SPON1: variants seen among roughly 807,000 people sequenced by gnomAD.
The protein encoded by SPON1 is spondin 1, also known as spondin-1.
A neutral mutation model predicts 111.7 loss-of-function variants in SPON1; 52 were observed. The observed-to-expected ratio is 0.47, with a 90% CI of 0.37 to 0.59. The LOEUF is 0.59. SPON1 is among the 20% of genes least tolerant of loss of function. SPON1 has a pLI of 0.00. For missense variants in SPON1, 957 were observed against 1,068.5 expected, an observed-to-expected ratio of 0.90 and a Z score of 1.46; for synonymous variants, 410 against 395.8, an observed-to-expected ratio of 1.04 and a Z score of -0.43.
chr11:14,222,766 A>G (rs7115269), intron 6 of SPON1, among the ~76,000 whole-genome samples: 2 of 152,188 alleles, frequency 1.3e-5, no homozygotes, highest in Non-Finnish European at 2.9e-5. Flanking sequence ...GAAAGAAAAA[A>G]AATTAAGCCC....
intron 1 of SPON1, among the ~76,000 whole-genome samples, chr11:13,976,870 G>A (rs79741030): frequency 0.011 from 1,602 of 152,184 alleles, 30 homozygotes; most frequent in African/African-American, 0.037. Flanking sequence ...TCCTGTACAT[G>A]TTACTACTGT....
At chr11:14,155,342 G>A (rs976970637) in intron 6 of SPON1, among the ~76,000 whole-genome samples, 3 of 152,036 alleles carry the variant, frequency 2.0e-5, no homozygotes, top group Admixed American at 1.3e-4. Context: ...GGTTTCATTG[G>A]CTCACAGTTC....
intron 14 of SPON1, 138 bp from the exon 15 acceptor site, chr11:14,262,574 A>G: frequency 8.6e-7 from 1 of 1,160,996 alleles, no homozygotes; most frequent in South Asian, 1.5e-5. Flanking sequence ...TTGGAGCCTC[A>G]GTTTCTTCTT....
In SPON1 at chr11:14,090,823, G is replaced by GCCCCCCCCCC. The variant is rs1360339677; in HGVS notation, c.676+10802_676+10803insCCCCCCCCCC. On this transcript the variant is annotated intron_variant, in intron 5 of 15. Transcript: ENST00000576479. ...GCAGCCTGCTTTTATTCTCTTATCT[G>GCCCCCCCCCC]GCCCCCCCCCCCCCCCCCCCCGCCC... is the stretch of plus-strand genomic sequence containing the variant. Among the ~76,000 whole-genome samples, 3 of 27,054 alleles carry GCCCCCCCCCC rather than the reference G, an allele frequency of 1.1e-4. 1 individual carries two copies. Among genetic ancestry groups the GCCCCCCCCCC allele is most frequent in the African/African-American group, 8.0e-4 (3 of 3,752 alleles). 17.7% of individuals were successfully genotyped at this position (27,054 alleles called of 152,430 possible). A position where few individuals can be genotyped will look rare whatever the true frequency, so the allele number is the denominator to read the frequency against.
chr11:14,052,047 A>G (rs1433145739), intron 3 of SPON1, among the ~76,000 whole-genome samples: 1 of 152,090 alleles, frequency 6.6e-6, no homozygotes, highest in Non-Finnish European at 1.5e-5. Flanking sequence ...TCCCCTCCCC[A>G]CAGCTCCTGC....
intron 6 of SPON1, among the ~76,000 whole-genome samples, chr11:14,192,185 A>G (rs1316624467): frequency 6.6e-6 from 1 of 152,058 alleles, no homozygotes; most frequent in Non-Finnish European, 1.5e-5. Context: ...ATTTTAAAAT[A>G]TGTGTGAAAT....
chr11:14,160,798 ATT>A (rs1301339372), intron 6 of SPON1, among the ~76,000 whole-genome samples: 1 of 34,434 alleles, frequency 2.9e-5, no homozygotes, highest in African/African-American at 1.0e-4. Flanking sequence ...ATATTTATAT[ATT>A]TTTATATATA....
At position 14,257,901 on chromosome 11, in the gene SPON1, G is replaced by A; in HGVS notation, c.1492+3G>A. ...GGGCCCTGGCTGCAGTGACGAAGGTGAGGAGACAACCCAGACCAGCCAGGG... is the reference window on the plus strand; with the variant it reads ...GGGCCCTGGCTGCAGTGACGAAGGTAAGGAGACAACCCAGACCAGCCAGGG... On this transcript the variant is annotated splice_donor_region_variant and intron_variant, in intron 11 of 15. Transcript: ENST00000576479. 6.5e-7 allele frequency: 1 copy of A among 1,539,740 alleles called. No individual in the cohort carries two copies. The highest frequency in any genetic ancestry group is 8.8e-7 in the Non-Finnish European group (1 of 1,141,922).
At chr11:14,085,323 T>A (rs1554922471) in intron 5 of SPON1, among the ~76,000 whole-genome samples, 1 of 152,244 alleles carries the variant, frequency 6.6e-6, no homozygotes, top group East Asian at 1.9e-4. Context: ...TTAACTTTTG[T>A]ATAAGATATA....
At chr11:14,071,942 A>G (rs868925011) in intron 3 of SPON1, among the ~76,000 whole-genome samples, 6 of 152,124 alleles carry the variant, frequency 3.9e-5, no homozygotes, top group Middle Eastern at 3.2e-3. Context: ...CAAGTGATCC[A>G]TCTATCTCAG....
intron 2 of SPON1, among the ~76,000 whole-genome samples, chr11:13,995,400 G>A (rs944346325): frequency 6.6e-6 from 1 of 152,154 alleles, no homozygotes; most frequent in Non-Finnish European, 1.5e-5. Flanking sequence ...TAGCTGGGGA[G>A]GCCTCAGGAA....
At chr11:14,261,286 G>T (rs902338458) in intron 14 of SPON1, among the ~76,000 whole-genome samples, 4 of 152,128 alleles carry the variant, frequency 2.6e-5, no homozygotes, top group Non-Finnish European at 5.9e-5. Context: ...TATATTACAT[G>T]GGACTAATCT....
At chr11:14,067,892 C>T (rs556272950) in intron 3 of SPON1, among the ~76,000 whole-genome samples, 8 of 152,296 alleles carry the variant, frequency 5.3e-5, no homozygotes, top group South Asian at 2.1e-4. Context: ...CAACAGATTA[C>T]GTCACTCTCC....
At chr11:14,204,016 T>TTAC (rs1848490688) in intron 6 of SPON1, among the ~76,000 whole-genome samples, 1 of 152,206 alleles carries the variant, frequency 6.6e-6, no homozygotes, top group Non-Finnish European at 1.5e-5. Flanking sequence ...ATTTTTGCTA[T>TTAC]TACTACCAAG....
chr11:14,062,603 C>T (rs527373204), intron 3 of SPON1, among the ~76,000 whole-genome samples: 8 of 152,244 alleles, frequency 5.3e-5, no homozygotes, highest in Admixed American at 3.3e-4. Context: ...ACCATGTCAG[C>T]CCAGAGAAAC....
chr11:14,240,131 G>T (rs544104788), intron 6 of SPON1, among the ~76,000 whole-genome samples: 1 of 152,250 alleles, frequency 6.6e-6, no homozygotes, highest in African/African-American at 2.4e-5. Flanking sequence ...AACATCCCCT[G>T]CTACATAACT....
intron 6 of SPON1, among the ~76,000 whole-genome samples, chr11:14,147,016 C>CT (rs1564915432): frequency 7.3e-5 from 9 of 123,272 alleles, no homozygotes; most frequent in African/African-American, 2.8e-4. Flanking sequence ...CATGAAAGAA[C>CT]CTTTTTTTTT....
At chr11:14,200,478 T>C (rs1274635676) in intron 6 of SPON1, among the ~76,000 whole-genome samples, 1 of 152,216 alleles carries the variant, frequency 6.6e-6, no homozygotes, top group East Asian at 1.9e-4. Flanking sequence ...GTTGACTTCA[T>C]GAATCTTAAA....
chr11:14,157,052 AAAT>A (rs1847856675), intron 6 of SPON1, among the ~76,000 whole-genome samples: 2 of 152,218 alleles, frequency 1.3e-5, no homozygotes, highest in African/African-American at 4.8e-5. Context: ...TATTGTTACC[AAAT>A]AATTAAATTT....
Sources: allele counts gnomAD v4.1 joint callset (sites outside exome capture counted in the v4.1 genomes callset), GRCh38; gene constraint gnomAD v4.1.1; transcripts MANE v1.5; gene names NCBI Gene and HGNC (gene_info 2026-07-23, HGNC 2026-07-21).